DNAH7: variants seen among roughly 807,000 people sequenced by gnomAD.
The protein encoded by DNAH7 is axonemal beta dynein heavy chain 7.
Under a neutral mutation model 444.6 loss-of-function variants are expected in DNAH7, and 397 were observed. The observed-to-expected ratio is 0.89, with a 90% confidence interval of 0.82 to 0.97. DNAH7 has a LOEUF of 0.97. DNAH7 is among the 50% of genes least tolerant of loss of function. The pLI is 0.00. For synonymous variants in DNAH7, 1,636 were observed against 1,624.4 expected (o/e 1.01, Z -0.17); for missense variants, 4,902 against 4,800.8 (o/e 1.02, Z -0.62).
intron 47 of DNAH7, among the ~76,000 whole-genome samples, chr2:195,844,218 C>G (rs1255137972): frequency 6.6e-6 from 1 of 152,122 alleles, no homozygotes; most frequent in African/African-American, 2.4e-5. Flanking sequence ...TTAAAAAGTA[C>G]CATCATATCA....
chr2:196,041,529 C>T (rs964390317), intron 5 of DNAH7, among the ~76,000 whole-genome samples: 4 of 151,920 alleles, frequency 2.6e-5, no homozygotes, highest in Non-Finnish European at 4.4e-5. Flanking sequence ...AAACTAGACC[C>T]TATCTCTCAC....
chr2:195,789,687 T>C (rs1170914511), intron 57 of DNAH7, among the ~76,000 whole-genome samples: 1 of 152,092 alleles, frequency 6.6e-6, no homozygotes, highest in East Asian at 1.9e-4. Flanking sequence ...TGCCTCCAGA[T>C]GTGATCTCTG....
intron 57 of DNAH7, among the ~76,000 whole-genome samples, chr2:195,792,165 T>TC (rs1695906363): frequency 1.5e-4 from 1 of 6,824 alleles, no homozygotes; most frequent in African/African-American, 4.5e-4. Flanking sequence ...AGACCCTGTC[T>TC]CAAAAAAAAA....
intron 48 of DNAH7, among the ~76,000 whole-genome samples, chr2:195,829,331 CTTT>C (rs145860542): frequency 6.6e-6 from 1 of 151,712 alleles, no homozygotes; most frequent in Admixed American, 6.6e-5. Context: ...TGTTTCCTTT[CTTT>C]TTTTGTTTTT....
chr2:195,891,670 T>C lies in DNAH7; in HGVS notation c.5031A>G (p.Ala1677=), dbSNP rs774539386. 1.9e-5 allele frequency: 31 copies of C among 1,590,192 alleles called. No individual in the cohort carries two copies. Among genetic ancestry groups the C allele is most frequent in the Non-Finnish European group, 2.3e-5 (27 of 1,170,524 alleles). ...TAGAACTTACCACTGAAGAGGCAAATGCTCTAAAACTGACAGCAAGGACCC... is the reference window on the plus strand; with the variant it reads ...TAGAACTTACCACTGAAGAGGCAAACGCTCTAAAACTGACAGCAAGGACCC... The part of the protein sequence containing the change: ...SDGVLAVSFR[A]FASSVTPDRK... The change falls in exon 31 of 65, where the codon GCA becomes GCG. Residue 1677 remains alanine, a synonymous_variant. Transcript: ENST00000312428.
rs779485073 is a variant in DNAH7 at position 195,756,301 on chromosome 2, C to G, written c.11434-16G>C. 1.3e-6 allele frequency: 2 copies of G among 1,592,536 alleles called. No individual in the cohort carries two copies. The highest frequency in any genetic ancestry group is 1.7e-6 in the Non-Finnish European group (2 of 1,167,266). On this transcript the variant is annotated splice_polypyrimidine_tract_variant and intron_variant, in intron 61 of 64. Transcript: ENST00000312428. ...CTGCAAGCCCCTGAAACACATTTAA[C>G]CTTGGTTAATATAATAGTATAGATT...
intron 15 of DNAH7, among the ~76,000 whole-genome samples, chr2:195,972,809 A>G (rs527373638): frequency 2.0e-5 from 3 of 152,310 alleles, no homozygotes; most frequent in African/African-American, 7.2e-5. Context: ...TGGGCCTGAC[A>G]CTGTGCCAGG....
chr2:195,833,077 A>G (rs1274167918), intron 48 of DNAH7, among the ~76,000 whole-genome samples: 4 of 152,210 alleles, frequency 2.6e-5, no homozygotes, highest in African/African-American at 9.6e-5. Flanking sequence ...ACTGATCCCA[A>G]TAAGAATTAG....
At chr2:196,020,664 G>A (rs906616395) in intron 8 of DNAH7, among the ~76,000 whole-genome samples, 3 of 148,850 alleles carry the variant, frequency 2.0e-5, no homozygotes, top group Non-Finnish European at 3.0e-5. Flanking sequence ...AGGCTGGAGT[G>A]CAGTGGCACG....
intron 17 of DNAH7, among the ~76,000 whole-genome samples, chr2:195,964,109 T>G (rs1691299076): frequency 6.6e-6 from 1 of 152,204 alleles, no homozygotes. Context: ...TGTAGTTCCA[T>G]AAAAATTGTA....
At chr2:196,006,631 T>C (rs1410457195) in intron 10 of DNAH7, among the ~76,000 whole-genome samples, 5 of 150,696 alleles carry the variant, frequency 3.3e-5, no homozygotes, top group Non-Finnish European at 7.4e-5. Context: ...GATGATATGA[T>C]CTTATATATA....
At chr2:196,018,893 A>T (rs1416861615) in intron 9 of DNAH7, among the ~76,000 whole-genome samples, 1 of 152,106 alleles carries the variant, frequency 6.6e-6, no homozygotes, top group Middle Eastern at 3.2e-3. Flanking sequence ...TGTGATTATT[A>T]ATCATTGCAT....
intron 10 of DNAH7, among the ~76,000 whole-genome samples, chr2:196,003,706 T>A (rs965288371): frequency 6.6e-6 from 1 of 152,176 alleles, no homozygotes; most frequent in African/African-American, 2.4e-5. Flanking sequence ...ATGACCTGCA[T>A]CAAGCATTCT....
At chr2:196,052,388 G>T (rs758578887) in intron 2 of DNAH7, among the ~76,000 whole-genome samples, 7 of 152,148 alleles carry the variant, frequency 4.6e-5, no homozygotes, top group Non-Finnish European at 7.3e-5. Flanking sequence ...TTGAAATGCG[G>T]CTCCTCTGAA....
At chr2:195,765,591 G>T (rs1424955345) in intron 61 of DNAH7, among the ~76,000 whole-genome samples, 1 of 152,116 alleles carries the variant, frequency 6.6e-6, no homozygotes, top group Non-Finnish European at 1.5e-5. Flanking sequence ...TTTCTCAAAA[G>T]AAGACATACA....
chr2:196,024,689 T>C (rs887949657), intron 7 of DNAH7, among the ~76,000 whole-genome samples, 185 bp from the exon 8 acceptor site: 1 of 152,168 alleles, frequency 6.6e-6, no homozygotes, highest in Admixed American at 6.5e-5. Flanking sequence ...AAATGTATCA[T>C]GTCTGTGTCT....
chr2:196,008,679 A>G (rs1694534290), intron 10 of DNAH7, among the ~76,000 whole-genome samples: 1 of 152,246 alleles, frequency 6.6e-6, no homozygotes, highest in Non-Finnish European at 1.5e-5. Context: ...GAAGCCAGGC[A>G]TAAATGACCA....
At chr2:195,948,285 CTTTAG>C (rs1290315611) in intron 19 of DNAH7, among the ~76,000 whole-genome samples, 1 of 152,126 alleles carries the variant, frequency 6.6e-6, no homozygotes, top group East Asian at 1.9e-4. Flanking sequence ...TGCAGAAGCT[CTTTAG>C]TTTAATTATA....
intron 36 of DNAH7, 149 bp from the exon 37 acceptor site, chr2:195,876,848 T>C: frequency 3.3e-6 from 2 of 605,676 alleles, no homozygotes; most frequent in South Asian, 2.1e-5. Context: ...GAATAACAGT[T>C]ACCATGCCAA....
Sources: gnomAD v4.1 joint callset for allele counts (sites outside exome capture counted in the v4.1 genomes callset) on GRCh38, gnomAD v4.1.1 for gene constraint, MANE v1.5 for transcripts, NCBI Gene and HGNC (gene_info 2026-07-23, HGNC 2026-07-21) for gene names.